FGGY: variants seen among roughly 807,000 people sequenced by gnomAD.
FGGY encodes the protein FGGY carbohydrate kinase domain-containing protein.
A neutral mutation model predicts 71.3 loss-of-function variants in FGGY; 72 were observed. That is an observed-to-expected ratio of 1.01 (90% CI 0.84 to 1.23). The LOEUF (loss-of-function observed/expected upper bound fraction) is 1.23. Ranked by LOEUF, FGGY falls within the 50% of genes most tolerant of loss-of-function variation. FGGY has a pLI of 0.00. For synonymous variants in FGGY, 251 were observed against 250.3 expected (o/e 1.00, Z -0.02); for missense variants, 668 against 682.3 (o/e 0.98, Z 0.23).
At chr1:59,322,260 T>C (rs1373058010) in intron 2 of FGGY, among the ~76,000 whole-genome samples, 1 of 150,078 alleles carries the variant, frequency 6.7e-6, no homozygotes, top group Admixed American at 6.6e-5. Context: ...CAAAGCAGTC[T>C]GACTCCAGAG....
intron 2 of FGGY, among the ~76,000 whole-genome samples, chr1:59,330,065 C>G (rs1475610140): frequency 6.6e-6 from 1 of 152,182 alleles, no homozygotes; most frequent in Non-Finnish European, 1.5e-5. Flanking sequence ...CCTTGTACGT[C>G]TCTTTCATAG....
chr1:59,591,855 T>A (rs530974828), intron 8 of FGGY, among the ~76,000 whole-genome samples: 1 of 152,272 alleles, frequency 6.6e-6, no homozygotes, highest in East Asian at 1.9e-4. Flanking sequence ...AAACTAGGCA[T>A]TACCATTCAG....
intron 5 of FGGY, among the ~76,000 whole-genome samples, chr1:59,411,180 A>G (rs2063550003): frequency 6.6e-6 from 1 of 152,174 alleles, no homozygotes; most frequent in South Asian, 2.1e-4. Context: ...TTTGTCTTTC[A>G]TGACCATGAC....
chr1:59,653,884 G>A (rs115805615), intron 11 of FGGY, among the ~76,000 whole-genome samples: 2 of 152,258 alleles, frequency 1.3e-5, no homozygotes, highest in South Asian at 2.1e-4. Context: ...CTCTTCTACT[G>A]TGTCGCTTGA....
At chr1:59,585,189 C>G (rs1379036761) in intron 8 of FGGY, among the ~76,000 whole-genome samples, 4 of 152,088 alleles carry the variant, frequency 2.6e-5, no homozygotes, top group Non-Finnish European at 4.4e-5. Context: ...CATATGGAAT[C>G]AAAAAAGAGC....
intron 10 of FGGY, among the ~76,000 whole-genome samples, chr1:59,633,181 T>A (rs1430649280): frequency 6.6e-6 from 1 of 151,986 alleles, no homozygotes; most frequent in Admixed American, 6.6e-5. Flanking sequence ...CGGCTAATTT[T>A]TTGTATTTTT....
chr1:59,384,538 G>A (rs1321443141), intron 5 of FGGY, among the ~76,000 whole-genome samples: 1 of 152,162 alleles, frequency 6.6e-6, no homozygotes, highest in Non-Finnish European at 1.5e-5. Context: ...ACAATGCTGA[G>A]AAAGCTTTTT....
At chr1:59,648,717 G>T (rs2097125458) in intron 11 of FGGY, among the ~76,000 whole-genome samples, 1 of 151,008 alleles carries the variant, frequency 6.6e-6, no homozygotes, top group Admixed American at 6.6e-5. Flanking sequence ...CAGTCTGATG[G>T]TAGTTTCTTT....
chr1:59,720,725 G>A (rs2097884155), intron 14 of FGGY, among the ~76,000 whole-genome samples: 1 of 152,140 alleles, frequency 6.6e-6, no homozygotes, highest in Non-Finnish European at 1.5e-5. Context: ...CCTGCCTGGG[G>A]GAGGGAGGTA....
chr1:59,501,716 C>A (rs188269832), intron 6 of FGGY, among the ~76,000 whole-genome samples: 5 of 152,278 alleles, frequency 3.3e-5, no homozygotes, highest in African/African-American at 9.6e-5. Context: ...GAAGGCATGC[C>A]GTGGAGACAT....
chr1:59,550,415 C>A (rs180888949), intron 7 of FGGY, among the ~76,000 whole-genome samples: 1 of 152,082 alleles, frequency 6.6e-6, no homozygotes, highest in African/African-American at 2.4e-5. Context: ...CTCTCCGACT[C>A]ATGTGGTCTT....
At chr1:59,439,373 G>A (rs1410394284) in intron 5 of FGGY, among the ~76,000 whole-genome samples, 11 of 152,044 alleles carry the variant, frequency 7.2e-5, no homozygotes, top group Admixed American at 6.6e-5. Flanking sequence ...TACTTTTGTC[G>A]AGACTGAAGA....
At chr1:59,568,084 C>T (rs1255887785) in intron 8 of FGGY, among the ~76,000 whole-genome samples, 2 of 152,012 alleles carry the variant, frequency 1.3e-5, no homozygotes, top group Non-Finnish European at 2.9e-5. Context: ...ATAACACTGC[C>T]AGTGAAGTTT....
At chr1:59,420,654 A>T (rs1188768250) in intron 5 of FGGY, among the ~76,000 whole-genome samples, 1 of 152,100 alleles carries the variant, frequency 6.6e-6, no homozygotes, top group Non-Finnish European at 1.5e-5. Flanking sequence ...ACTTCCCCAA[A>T]TGTATTTTTC....
At position 59,700,058 on chromosome 1, in the gene FGGY, C is replaced by T. The variant is rs111246045; in HGVS notation, c.1512+25925C>T. On this transcript the variant is annotated intron_variant, in intron 14 of 15. Transcript: ENST00000303721. ...GAAGCTTTTAAATTCTTGATCAAAG[C>T]AATCATAAATGTGTCTGTTACAAAC... Among the ~76,000 whole-genome samples, 234 of 152,262 alleles carry T rather than the reference C, an allele frequency of 1.5e-3. 1 individual carries two copies. Among genetic ancestry groups the T allele is most frequent in the African/African-American group, 5.4e-3 (225 of 41,566 alleles).
chr1:59,638,355 G>A lies in FGGY; in HGVS notation c.1201G>A (p.Asp401Asn). 1 of 1,614,212 alleles carries A rather than the reference G, an allele frequency of 6.2e-7. No individual in the cohort carries two copies. ...CCATGGCAACCGGTCTCCCTTAGCA[G>A]ATCTGACACTAAAGGGCATGGTAAG... ...DFHGNRSPLA[D>N]LTLKGMVTGL... Residue 401 changes from aspartate (D) to asparagine (N), a missense_variant, in exon 11 of 16, where the codon GAT becomes AAT. Coordinates refer to ENST00000303721, the MANE Select transcript of FGGY (RefSeq NM_018291.5).
intron 7 of FGGY, among the ~76,000 whole-genome samples, chr1:59,541,243 G>A (rs1230542048): frequency 6.6e-6 from 1 of 151,990 alleles, no homozygotes; most frequent in Admixed American, 6.6e-5. Flanking sequence ...TCTCTGCCTT[G>A]GGCCACACAG....
intron 8 of FGGY, among the ~76,000 whole-genome samples, chr1:59,606,839 T>C (rs55708148): frequency 0.1 from 15,197 of 152,168 alleles, 862 homozygotes; most frequent in South Asian, 0.29. Flanking sequence ...CCACAATATT[T>C]TGTATTTTGT....
intron 7 of FGGY, among the ~76,000 whole-genome samples, chr1:59,525,378 T>C (rs1239586779): frequency 2.0e-5 from 3 of 152,166 alleles, no homozygotes; most frequent in African/African-American, 7.2e-5. Flanking sequence ...AGGCAGAAGA[T>C]GCCACCAGCC....
Sources: gnomAD v4.1 joint callset for allele counts (sites outside exome capture counted in the v4.1 genomes callset) on GRCh38, gnomAD v4.1.1 for gene constraint, MANE v1.5 for transcripts, NCBI Gene and HGNC (gene_info 2026-07-23, HGNC 2026-07-21) for gene names.